The following HLA-C variants were observed in gnomAD, a reference collection of about 807,000 sequenced individuals.
HLA-C encodes major histocompatibility complex, class I, C, also known as HLA class I histocompatibility antigen, C alpha chain.
Under a neutral mutation model 36.9 loss-of-function variants are expected in HLA-C, and 15 were observed. That is an observed-to-expected ratio of 0.41 (90% CI 0.27 to 0.63). The LOEUF (loss-of-function observed/expected upper bound fraction) is 0.63, where lower values mean the gene tolerates loss of function less well. HLA-C is among the 20% of genes least tolerant of loss of function. The pLI is 0.35. For missense variants in HLA-C, 272 were observed against 400.4 expected (o/e 0.68, Z 2.74); for synonymous variants, 104 against 174.3 (o/e 0.60, Z 3.18).
At chr6:31,269,091 G>C (rs1342997846) in exon 8 of HLA-C, 3 of 916,424 alleles carry the variant, frequency 3.3e-6, no homozygotes, top group South Asian at 2.8e-5. Context: ...TTTGCAGAAA[G>C]AGATGCCAGA....
Position 31,271,273 on chromosome 6 carries a change from G to T in HLA-C, c.419C>A (p.Ser140Tyr), listed in dbSNP as rs713032. The T allele has an allele frequency of 0.034, 37,012 of 1,095,262 alleles. 8,429 individuals are homozygous for T. Among genetic ancestry groups the T allele is most frequent in the East Asian group, 0.14 (3,219 of 22,210 alleles). 67.8% of individuals were successfully genotyped at this position (1,095,262 alleles called of 1,614,324 possible). The change falls in exon 3 of 8, where the codon TCC (serine) becomes TAC (tyrosine). Residue 140 changes from serine (S) to tyrosine (Y), a missense_variant. Transcript: ENST00000376228. ...GATGTAATCCTTGCCGTCGTAGGCG[G>T]ACTGGTCATACCCGCGGAGGAGGCG...
rs1005904801 is a variant in HLA-C at position 31,270,100 on chromosome 6, G to A, written c.896-15C>T. 31 of 834,778 alleles carry A rather than the reference G, an allele frequency of 3.7e-5. 13 individuals are homozygous for A. Among genetic ancestry groups the A allele is most frequent in the Middle Eastern group, 9.6e-4 (2 of 2,080 alleles). The allele number at this position is 834,778 out of a possible 1,614,324, so 51.7% of individuals were successfully genotyped here. On this transcript the variant is annotated splice_polypyrimidine_tract_variant and intron_variant, in intron 4 of 7. Transcript: ENST00000376228. ...GGAAGATGGCTCTGGGAAAGGAGGA[G>A]AAGGTGAGGGGCCCTGACCCCCAAG...
Position 31,270,545 on chromosome 6 carries a change from C to T in HLA-C, c.620-60G>A, listed in dbSNP as rs9264639. 2.3e-4 allele frequency: 181 copies of T among 781,922 alleles called. 1 individual carries two copies. Among genetic ancestry groups the T allele is most frequent in the South Asian group, 5.7e-4 (21 of 36,654 alleles). 48.4% of individuals were successfully genotyped at this position (781,922 alleles called of 1,614,324 possible). On this transcript the variant is annotated intron_variant, in intron 3 of 7. Transcript: ENST00000376228. ...CATCTCTCTTGGGACACTCCAGCAG[C>T]GCCCATGTGACCATCCTGAGAATGG...
chr6:31,270,457 G>A (rs1050344), exon 4 of HLA-C: 17,277 of 837,462 alleles, frequency 0.021, 4,131 homozygotes, highest in Middle Eastern at 0.11. Context: ...CAGAGAGGGG[G>A]TGGTGGGTCA....
Position 31,271,298 on chromosome 6 carries a change from GC to G in HLA-C, c.393del (p.Arg132AlafsTer19). 1 of 1,139,676 alleles carries G rather than the reference GC, an allele frequency of 8.8e-7. No individual in the cohort carries two copies. Among genetic ancestry groups the G allele is most frequent in the Non-Finnish European group, 1.2e-6 (1 of 861,322 alleles). The allele number at this position is 1,139,676 out of a possible 1,614,324, so 70.6% of individuals were successfully genotyped here. On this transcript the variant is annotated frameshift_variant, in exon 3 of 8. Coordinates refer to ENST00000376228, the Ensembl canonical transcript of HLA-C. LOFTEE classifies it high-confidence loss of function. ...GACTGGTCATACCCGCGGAGGAGGC[GC>G]CCGTCGGGCCCCAGGTCGCAGCCAG... is the stretch of plus-strand genomic sequence containing the variant.
chr6:31,269,828 G>A lies in HLA-C; in HGVS notation c.1015+138C>T, dbSNP rs9264607. On this transcript the variant is annotated intron_variant, in intron 5 of 7. Coordinates refer to ENST00000376228, the Ensembl canonical transcript of HLA-C. ...TGTGCTTCACAAAAGAGTAAGTGCT[G>A]GCACACAGGGTCCCAGGCTGGGATG... is the stretch of plus-strand genomic sequence containing the variant. 122 of 360,458 alleles carry A rather than the reference G, an allele frequency of 3.4e-4. 20 individuals carry two copies. The highest frequency in any genetic ancestry group is 2.2e-3 in the Middle Eastern group (2 of 902). The allele number at this position is 360,458 out of a possible 1,614,324, so 22.3% of individuals were successfully genotyped here. A position where few individuals can be genotyped will look rare whatever the true frequency, so the allele number is the denominator to read the frequency against.
Position 31,272,030 on chromosome 6 carries a change from C to G in HLA-C, c.42G>C (p.Ser14=). 1.9e-6 allele frequency: 2 copies of G among 1,039,910 alleles called. 1 individual carries two copies. Among genetic ancestry groups the G allele is most frequent in the Non-Finnish European group, 2.6e-6 (2 of 775,382 alleles). The allele number at this position is 1,039,910 out of a possible 1,614,324, so 64.4% of individuals were successfully genotyped here. Residue 14 remains serine, a synonymous_variant, in exon 1 of 8, where the codon TCG becomes TCC. Coordinates refer to ENST00000376228, the Ensembl canonical transcript of HLA-C. ...AGGTCTCGGTCAGGGCCAGGCCTCCCGAGAGCAGCAGGAGGAGGGCTCGGG... is the reference window on the plus strand; with the variant it reads ...AGGTCTCGGTCAGGGCCAGGCCTCCGGAGAGCAGCAGGAGGAGGGCTCGGG...
chr6:31,271,004 C>T lies in HLA-C; in HGVS notation c.619+69G>A, dbSNP rs1042793366. 41 of 827,468 alleles carry T rather than the reference C, an allele frequency of 5.0e-5. 8 individuals carry two copies. The highest frequency in any genetic ancestry group is 4.7e-5 in the Non-Finnish European group (30 of 643,370). 51.3% of individuals were successfully genotyped at this position (827,468 alleles called of 1,614,324 possible). A position where few individuals can be genotyped will look rare whatever the true frequency, so the allele number is the denominator to read the frequency against. ...TTCCAGTGCTGATCCCATTTTCCTC[C>T]CCTCCTCGTGGGAGGCCATCCCGGG... is the stretch of plus-strand genomic sequence containing the variant. On this transcript the variant is annotated intron_variant, in intron 3 of 7. Coordinates refer to ENST00000376228, the Ensembl canonical transcript of HLA-C.
At chr6:31,270,758 T>C (rs9264646) in intron 3 of HLA-C, 24,730 of 285,916 alleles carry the variant, frequency 0.086, 8,007 homozygotes, top group South Asian at 0.22. Context: ...ACACATTGAG[T>C]GTGAGGCAGA....
intron 3 of HLA-C, 49 bp downstream of exon 3, chr6:31,271,024 C>T (rs41544614): frequency 1.2e-6 from 1 of 857,986 alleles, no homozygotes; most frequent in Non-Finnish European, 1.5e-6. Flanking sequence ...GGGAGGCCAT[C>T]CCGGGAGATC....
chr6:31,271,081 TG>T lies in HLA-C; in HGVS notation c.610del (p.Gln204SerfsTer10). The stretch of plus-strand genomic sequence containing the variant: ...CCCACTGCCCCTGGTACCTGCGCGC[TG>T]CAGCGTCTCCTTCCCGTTCTCCAGG... On this transcript the variant is annotated frameshift_variant, in exon 3 of 8. Coordinates refer to ENST00000376228, the Ensembl canonical transcript of HLA-C. LOFTEE classifies it high-confidence loss of function. 9.7e-7 allele frequency: 1 copy of T among 1,028,840 alleles called. No individual in the cohort carries two copies. Among genetic ancestry groups the T allele is most frequent in the Non-Finnish European group, 1.3e-6 (1 of 787,708 alleles). 63.7% of individuals were successfully genotyped at this position (1,028,840 alleles called of 1,614,324 possible). A position where few individuals can be genotyped will look rare whatever the true frequency, so the allele number is the denominator to read the frequency against.
At chr6:31,268,757 G>A (rs35075694) in exon 8 of HLA-C, 23,767 of 203,496 alleles carry the variant, frequency 0.12, 1,856 homozygotes, top group East Asian at 0.23. Flanking sequence ...AATTCTGGAA[G>A]GTTCTCAGGT....
In HLA-C at chr6:31,271,546, C is replaced by G. The variant is rs1372211663; in HGVS notation, c.343+53G>C. ...GGAGACTCTGGGCGACCCGGGCCGT[C>G]CGTGGGGGATGGGGAGGGGTCGTGA... On this transcript the variant is annotated intron_variant, in intron 2 of 7. Transcript: ENST00000376228. 1.9e-6 allele frequency: 2 copies of G among 1,039,870 alleles called. 1 individual carries two copies. The highest frequency in any genetic ancestry group is 3.0e-5 in the South Asian group (2 of 66,736). The allele number at this position is 1,039,870 out of a possible 1,614,324, so 64.4% of individuals were successfully genotyped here.
At chr6:31,271,744 A>G (rs146215372) in exon 2 of HLA-C, 4 of 1,379,300 alleles carry the variant, frequency 2.9e-6, no homozygotes, top group Non-Finnish European at 3.8e-6. Context: ...CCCCTCTCGG[A>G]CTCGCGGCGT....
chr6:31,270,283 A>C, exon 4 of HLA-C: 1 of 873,094 alleles, frequency 1.1e-6, no homozygotes, highest in Non-Finnish European at 1.5e-6. Context: ...CTTGTCCAGA[A>C]GGCACCACCA....
exon 8 of HLA-C, chr6:31,269,147 C>G (rs1562020345): frequency 1.3e-6 from 2 of 1,497,236 alleles, no homozygotes. Context: ...TCCTGCATCT[C>G]AGTCCCACAC....
At chr6:31,271,840 G>A (rs1050446) in exon 2 of HLA-C, 3 of 1,265,930 alleles carry the variant, frequency 2.4e-6, no homozygotes, top group Non-Finnish European at 3.1e-6. Flanking sequence ...GGGACACGGC[G>A]GTGTCGAAAT....
At position 31,270,244 on chromosome 6, in the gene HLA-C, G is replaced by A. The variant is rs61759945; in HGVS notation, c.861C>T (p.His287=). 3.3e-4 allele frequency: 275 copies of A among 841,514 alleles called. 110 individuals carry two copies. Among genetic ancestry groups the A allele is most frequent in the Non-Finnish European group, 3.8e-4 (255 of 665,340 alleles). 52.1% of individuals were successfully genotyped at this position (841,514 alleles called of 1,614,324 possible). Reference sequence around the variant, plus strand: ...GGGTGAGGGGCTCTTGCAGCCCCTCGTGCTGCATATGGCACGTGTATCTCT... The same window carrying A: ...GGGTGAGGGGCTCTTGCAGCCCCTCATGCTGCATATGGCACGTGTATCTCT... Residue 287 remains histidine (H), a synonymous_variant, in exon 4 of 8, where the codon CAC becomes CAT. Transcript: ENST00000376228.
At chr6:31,269,649 A>G in intron 5 of HLA-C, 124 bp from the exon 6 acceptor site, 1 of 389,618 alleles carries the variant, frequency 2.6e-6, no homozygotes, top group Non-Finnish European at 3.8e-6. Context: ...CCAGGGCAGG[A>G]TCAGGAAACA....
Sources: allele counts gnomAD v4.1 joint callset, GRCh38; gene constraint gnomAD v4.1.1; transcripts MANE v1.5; gene names NCBI Gene and HGNC (gene_info 2026-07-23, HGNC 2026-07-21).